MTSS2: variants seen among roughly 807,000 people sequenced by gnomAD.
MTSS2 encodes MTSS I-BAR domain containing 2, also known as protein MTSS 2.
In MTSS2, 27 loss-of-function variants were observed where a neutral mutation model predicts 67.1. The observed-to-expected ratio is 0.40, with a 90% CI of 0.30 to 0.55. The LOEUF (loss-of-function observed/expected upper bound fraction) is 0.55. MTSS2 is among the 20% of genes least tolerant of loss of function. The pLI, the probability that MTSS2 is intolerant of heterozygous loss-of-function variation, is 0.43. For missense variants in MTSS2, 1,171 were observed against 1,067.8 expected (o/e 1.10, Z -1.35); for synonymous variants, 624 against 468.6 (o/e 1.33, Z -4.28).
At chr16:70,676,815 G>T in intron 10 of MTSS2, 66 bp downstream of exon 10, 1 of 1,395,460 alleles carries the variant, frequency 7.2e-7, no homozygotes, top group Non-Finnish European at 1.0e-6. Flanking sequence ...CAATTTTGCT[G>T]GGAACATCCC....
chr16:70,671,980 G>A (rs1169659516), intron 11 of MTSS2, among the ~76,000 whole-genome samples: 2 of 152,348 alleles, frequency 1.3e-5, no homozygotes, highest in South Asian at 2.1e-4. Flanking sequence ...TCAAAGTCAT[G>A]AAAAACAAAG....
chr16:70,685,242 G>A (rs1488262544), intron 1 of MTSS2, among the ~76,000 whole-genome samples: 1 of 152,142 alleles, frequency 6.6e-6, no homozygotes, highest in Non-Finnish European at 1.5e-5. Flanking sequence ...TCACGGTCGG[G>A]TGCAGAGGCC....
At chr16:70,679,927 G>C in intron 4 of MTSS2, 44 bp downstream of exon 4, 4 of 1,491,256 alleles carry the variant, frequency 2.7e-6, no homozygotes, top group Non-Finnish European at 3.6e-6. Flanking sequence ...CCCCCGCGAC[G>C]CCCCGTCCCC....
Position 70,674,524 on chromosome 16 carries a change from G to A in MTSS2, c.835C>T (p.Pro279Ser). 2 of 1,612,636 alleles carry A rather than the reference G, an allele frequency of 1.2e-6. No individual in the cohort carries two copies. Among genetic ancestry groups the A allele is most frequent in the Non-Finnish European group, 1.7e-6 (2 of 1,179,828 alleles). Residue 279 changes from proline (P) to serine (S), a missense_variant, in exon 11 of 15, where the codon CCC (proline) becomes TCC (serine). Around this residue, in one of 2 missense-constraint regions of MTSS2, gnomAD observed 924 missense variants for 756.0 expected, o/e 1.22. Transcript: ENST00000338779. ...SSRKSSMCSA[P>S]SSSSSAKGGG... ...CCCTTGGCACTGCTACTGCTGCTGG[G>A]GGCACTAGGGGAGTGAAGGAAGAGG...
Position 70,664,048 on chromosome 16 carries a change from G to T in MTSS2, c.1873C>A (p.Pro625Thr), listed in dbSNP as rs756094678. 4.3e-6 allele frequency: 7 copies of T among 1,610,312 alleles called. No individual in the cohort carries two copies. Among genetic ancestry groups the T allele is most frequent in the Non-Finnish European group, 4.2e-6 (5 of 1,179,002 alleles). ...CVFYTDETAS[P>T]LAPDLAKASP... ...GCCTTGGCGAGGTCCGGTGCCAGGG[G>T]TGAGGCGGTCTCGTCGGTATAGAAG... Residue 625 changes from proline to threonine, a missense_variant, in exon 15 of 15, where the codon CCC becomes ACC. Coordinates refer to ENST00000338779, the MANE Select transcript of MTSS2 (RefSeq NM_138383.3).
chr16:70,666,169 G>A (rs537863428), intron 11 of MTSS2, among the ~76,000 whole-genome samples: 15 of 152,120 alleles, frequency 9.9e-5, no homozygotes, highest in Admixed American at 2.6e-4. Flanking sequence ...GGAGAGTCCC[G>A]TAAAGGAGAG....
intron 1 of MTSS2, among the ~76,000 whole-genome samples, chr16:70,684,370 G>A (rs867654575): frequency 1.3e-5 from 2 of 152,052 alleles, no homozygotes; most frequent in Non-Finnish European, 1.5e-5. Flanking sequence ...GCACCATGAG[G>A]GGCAGGGGGT....
intron 11 of MTSS2, 175 bp from the exon 12 acceptor site, chr16:70,665,715 C>T: frequency 1.7e-6 from 1 of 575,910 alleles, no homozygotes; most frequent in South Asian, 2.1e-5. Context: ...GTGTCTGCAG[C>T]AGCACACAGC....
chr16:70,664,384 T>G lies in MTSS2; in HGVS notation c.1537A>C (p.Lys513Gln). 6.3e-7 allele frequency: 1 copy of G among 1,575,188 alleles called. No individual in the cohort carries two copies. Among genetic ancestry groups the G allele is most frequent in the Non-Finnish European group, 8.6e-7 (1 of 1,164,852 alleles). ...ADSEGPPEFDKSSTIPRNSNI... is the reference protein window; with the variant it reads ...ADSEGPPEFDQSSTIPRNSNI... ...CTGTTGCGCGGGATGGTGGATGACTTGTCAAACTCGGGCGGGCCCTCGCTG... is the reference window on the plus strand; with the variant it reads ...CTGTTGCGCGGGATGGTGGATGACTGGTCAAACTCGGGCGGGCCCTCGCTG... Residue 513 changes from lysine to glutamine, a missense_variant, in exon 15 of 15, where the codon AAG becomes CAG. By Grantham distance (53) the Lys-to-Gln change is moderately conservative. Around this residue, in one of 2 missense-constraint regions of MTSS2, gnomAD observed 924 missense variants for 756.0 expected, o/e 1.22. Coordinates refer to ENST00000338779, the MANE Select transcript of MTSS2 (RefSeq NM_138383.3).
chr16:70,667,573 C>T (rs1025656638), intron 11 of MTSS2, among the ~76,000 whole-genome samples: 6 of 151,934 alleles, frequency 3.9e-5, no homozygotes, highest in African/African-American at 1.4e-4. Flanking sequence ...AAGATCTTTA[C>T]ACAAAAACTA....
chr16:70,668,600 AATGTCT>A (rs1391392218), intron 11 of MTSS2, among the ~76,000 whole-genome samples: 3 of 152,174 alleles, frequency 2.0e-5, no homozygotes, highest in Non-Finnish European at 2.9e-5. Flanking sequence ...CTATGCTCCA[AATGTCT>A]ATGTCTCCCC....
Position 70,661,537 on chromosome 16 carries a change from C to T in MTSS2, c.*2140G>A, listed in dbSNP as rs943449269. On this transcript the variant is annotated 3_prime_UTR_variant, in exon 15 of 15. Coordinates refer to ENST00000338779, the MANE Select transcript of MTSS2 (RefSeq NM_138383.3). ...TCTCCGTACAAAATGAGAAATTAAACGAACGTAAAGTCCCCCAAACCAAAG... is the reference window on the plus strand; with the variant it reads ...TCTCCGTACAAAATGAGAAATTAAATGAACGTAAAGTCCCCCAAACCAAAG... The T allele has an allele frequency of 8.0e-5, 28 of 350,360 alleles. No individual in the cohort carries two copies. The highest frequency in any genetic ancestry group is 2.0e-4 in the Admixed American group (5 of 25,616). 21.7% of individuals were successfully genotyped at this position (350,360 alleles called of 1,614,324 possible). A position where few individuals can be genotyped will look rare whatever the true frequency, so the allele number is the denominator to read the frequency against.
chr16:70,673,584 G>C (rs1158390140), intron 11 of MTSS2, among the ~76,000 whole-genome samples: 1 of 152,070 alleles, frequency 6.6e-6, no homozygotes, highest in Non-Finnish European at 1.5e-5. Context: ...ACTTCAGAAA[G>C]AAAGAAAATA....
chr16:70,681,328 G>C (rs890485252), intron 1 of MTSS2, among the ~76,000 whole-genome samples: 3 of 152,242 alleles, frequency 2.0e-5, no homozygotes, highest in Admixed American at 2.0e-4. Context: ...AATGGAGCAG[G>C]AAGTGGCAGG....
In MTSS2 at chr16:70,661,379, TG is replaced by T; in HGVS notation, c.*2297del. 1 of 23,290 alleles carries T rather than the reference TG, an allele frequency of 4.3e-5. No homozygotes were observed. The highest frequency in any genetic ancestry group is 2.2e-4 in the South Asian group (1 of 4,538). The allele number at this position is 23,290 out of a possible 1,614,324, so 1.4% of individuals were successfully genotyped here. The stretch of plus-strand genomic sequence containing the variant: ...CAAATGGTTCAGATGGGACGGAGGG[TG>T]GGGGAGGGGGGGAGGGTGAGTAGGA... On this transcript the variant is annotated 3_prime_UTR_variant, in exon 15 of 15. Transcript: ENST00000338779.
At chr16:70,685,236 G>T (rs189003370) in intron 1 of MTSS2, among the ~76,000 whole-genome samples, 1 of 152,298 alleles carries the variant, frequency 6.6e-6, no homozygotes, top group Admixed American at 6.5e-5. Flanking sequence ...GCAGTCTCAC[G>T]GTCGGGTGCA....
intron 6 of MTSS2, 143 bp from the exon 7 acceptor site, chr16:70,679,466 G>C (rs1341060403): frequency 1.6e-5 from 20 of 1,249,696 alleles, no homozygotes; most frequent in African/African-American, 4.5e-5. Context: ...GACCAGGTTT[G>C]GGGGGAAGGG....
chr16:70,676,655 G>A (rs1226714881), intron 10 of MTSS2, among the ~76,000 whole-genome samples: 1 of 152,174 alleles, frequency 6.6e-6, no homozygotes, highest in Non-Finnish European at 1.5e-5. Context: ...CATAAATGAA[G>A]CTGCTACTGC....
chr16:70,664,000 G>A lies in MTSS2; in HGVS notation c.1921C>T (p.Pro641Ser). The change falls in exon 15 of 15, where the codon CCC becomes TCC. Residue 641 changes from proline to serine, a missense_variant. Pro to Ser is a moderately conservative substitution (Grantham distance 74). Around this residue, in one of 2 missense-constraint regions of MTSS2, gnomAD observed 924 missense variants for 756.0 expected, o/e 1.22. Coordinates refer to ENST00000338779, the MANE Select transcript of MTSS2 (RefSeq NM_138383.3). Reference sequence around the variant, plus strand: ...GATGGGCTGCCCCAGGCTGTGTTGGGCAGGCTGAGCCTCTTTGGGGAGGCC... The same window carrying A: ...GATGGGCTGCCCCAGGCTGTGTTGGACAGGCTGAGCCTCTTTGGGGAGGCC... ...AKASPKRLSL[P>S]NTAWGSPSPE... 6.3e-7 allele frequency: 1 copy of A among 1,596,786 alleles called. No homozygotes were observed. The highest frequency in any genetic ancestry group is 8.5e-7 in the Non-Finnish European group (1 of 1,172,876).
Sources: gnomAD v4.1 joint callset for allele counts (sites outside exome capture counted in the v4.1 genomes callset) on GRCh38, gnomAD v4.1.1 for gene constraint, gnomAD v4.1.1 regional missense constraint, MANE v1.5 for transcripts, NCBI Gene and HGNC (gene_info 2026-07-23, HGNC 2026-07-21) for gene names.